Variants in CFP observed in about 807,000 individuals in gnomAD.
The protein encoded by CFP is properdin.
CFP carries 14 observed loss-of-function variants against 42.1 expected under a neutral mutation model. The observed-to-expected ratio is 0.33, with a 90% CI of 0.22 to 0.52. The LOEUF is 0.52. CFP is among the 20% of genes least tolerant of loss of function. The pLI, the probability that CFP is intolerant of heterozygous loss-of-function variation, is 0.96. For synonymous variants in CFP, 149 were observed against 160.6 expected (o/e 0.93, Z 0.54); for missense variants, 318 against 400.4 (o/e 0.79, Z 1.76).
upstream of CFP, chrX:47,629,979 C>T (rs1239345930): frequency 1.5e-5 from 9 of 609,089 alleles, no homozygotes; most frequent in Non-Finnish European, 2.4e-5. Context: ...TTGACCCCAC[C>T]CTGTCCCCTC....
Position 47,627,618 on chromosome X carries a change from C to T in CFP, c.427G>A (p.Gly143Arg), listed in dbSNP as rs1190480861. The T allele has an allele frequency of 2.5e-6, 3 of 1,199,915 alleles. No individual in the cohort carries two copies. Among genetic ancestry groups the T allele is most frequent in the Non-Finnish European group, 3.4e-6 (3 of 888,644 alleles). Residue 143 changes from glycine (G) to arginine (R), a missense_variant, in exon 4 of 9, where the codon GGG becomes AGG. By Grantham distance (125) the Gly-to-Arg change is moderately radical. Coordinates refer to ENST00000396992, the MANE Select transcript of CFP (RefSeq NM_001145252.3). ...GTGACAGAGCAAGGCTCCCAGGGCC[C>T]CCAGCCAGACCAGCCGCCCATCTCT... is the stretch of plus-strand genomic sequence containing the variant. ...CPEMGGWSGW[G>R]PWEPCSVTCS...
Position 47,626,058 on chromosome X carries a change from G to T in CFP, c.1244C>A (p.Pro415Gln), listed in dbSNP as rs771003975. ...RLCTPLLPKYPPTVSMVEGQG... is the reference protein window; with the variant it reads ...RLCTPLLPKYQPTVSMVEGQG... ...AGGCATACTTTGCCCTCTCACTCACGGGTACTTGGGGAGCAAGGGTGTGCA... is the reference window on the plus strand; with the variant it reads ...AGGCATACTTTGCCCTCTCACTCACTGGTACTTGGGGAGCAAGGGTGTGCA... Residue 415 changes from proline to glutamine, a missense_variant and splice_region_variant, in exon 8 of 9, where the codon CCG (proline) becomes CAG (glutamine). Pro to Gln is a moderately conservative substitution (Grantham distance 76). Coordinates refer to ENST00000396992, the MANE Select transcript of CFP (RefSeq NM_001145252.3). 1 of 1,170,677 alleles carries T rather than the reference G, an allele frequency of 8.5e-7. No homozygotes were observed. The highest frequency in any genetic ancestry group is 1.1e-6 in the Non-Finnish European group (1 of 872,825).
At chrX:47,630,014 C>T (rs1457834090), upstream of CFP, 5 of 496,547 alleles carry the variant, frequency 1.0e-5, no homozygotes, top group East Asian at 1.8e-4. Context: ...CTCTCCCCTC[C>T]CCATTTCCTG....
chrX:47,627,448 A>T, intron 4 of CFP, 23 bp downstream of exon 4: 1 of 1,211,267 alleles, frequency 8.3e-7, no homozygotes, highest in South Asian at 1.8e-5. Context: ...ACCCATCAGC[A>T]TCCTGTGGCT....
At chrX:47,624,802 A>C (rs780807177) in intron 8 of CFP, 1 of 153,983 alleles carries the variant, frequency 6.5e-6, no homozygotes, top group East Asian at 1.7e-4. Context: ...CATCTGCAAA[A>C]TGAGAATGGT....
At chrX:47,628,533 C>T (rs1200549254) in intron 2 of CFP, 2 of 490,150 alleles carry the variant, frequency 4.1e-6, no homozygotes, top group Admixed American at 2.7e-5. Flanking sequence ...ACACCAGGTC[C>T]GCAGTAAGCA....
chrX:47,627,238 C>A lies in CFP; in HGVS notation c.669G>T (p.Lys223Asn). The change falls in exon 5 of 9, where the codon AAG (lysine) becomes AAT (asparagine). Residue 223 changes from lysine (K) to asparagine (N), a missense_variant. Coordinates refer to ENST00000396992, the MANE Select transcript of CFP (RefSeq NM_001145252.3). ...TCTGGGAGGGCTCAGGTGCAGAACA[C>A]TTGCGGCTTCGTGTCTCCTTAGGTT... ...PHEPKETRSRKCSAPEPSQKP... is the reference protein window; with the variant it reads ...PHEPKETRSRNCSAPEPSQKP... 1 of 1,211,344 alleles carries A rather than the reference C, an allele frequency of 8.3e-7. No homozygotes were observed. Among genetic ancestry groups the A allele is most frequent in the South Asian group, 1.8e-5 (1 of 56,809 alleles).
Position 47,624,010 on chromosome X carries a change from T to G in CFP, c.*265A>C. ...GCTGCGCAGGGCCCAGACATTGGGG[T>G]TATGGCAGCGGCGGGGAGAGGCTGG... On this transcript the variant is annotated 3_prime_UTR_variant, in exon 9 of 9. Coordinates refer to ENST00000396992, the MANE Select transcript of CFP (RefSeq NM_001145252.3). 1 of 379,884 alleles carries G rather than the reference T, an allele frequency of 2.6e-6. No homozygotes were observed. The highest frequency in any genetic ancestry group is 4.7e-6 in the Non-Finnish European group (1 of 214,647). The allele number at this position is 379,884 out of a possible 1,213,427, so 31.3% of individuals were successfully genotyped here. A position where few individuals can be genotyped will look rare whatever the true frequency, so the allele number is the denominator to read the frequency against.
rs1398317229 is a variant in CFP at position 47,623,958 on chromosome X, G to T, written c.*317C>A. 1 of 294,072 alleles carries T rather than the reference G, an allele frequency of 3.4e-6. No individual in the cohort carries two copies. Among genetic ancestry groups the T allele is most frequent in the East Asian group, 7.0e-5 (1 of 14,193 alleles). The allele number at this position is 294,072 out of a possible 1,213,427, so 24.2% of individuals were successfully genotyped here. ...AACGCGGAGCTCTGCAGAGGAACGT[G>T]CCGGGCGGCCCTGAGGCTCTAAGGG... On this transcript the variant is annotated 3_prime_UTR_variant, in exon 9 of 9. Coordinates refer to ENST00000396992, the MANE Select transcript of CFP (RefSeq NM_001145252.3).
chrX:47,625,813 A>T, intron 8 of CFP: 1 of 430,150 alleles, frequency 2.3e-6, no homozygotes, highest in East Asian at 4.0e-5. Flanking sequence ...AGTCAATGAC[A>T]CATGAAGGAC....
In CFP at chrX:47,627,144, G is replaced by C; in HGVS notation, c.763C>G (p.Pro255Ala). 8.3e-7 allele frequency: 1 copy of C among 1,211,412 alleles called. No homozygotes were observed. Among genetic ancestry groups the C allele is most frequent in the Non-Finnish European group, 1.1e-6 (1 of 895,173 alleles). ...QRRCTGLPPCPVAGGWGPWGP... is the reference protein window; with the variant it reads ...QRRCTGLPPCAVAGGWGPWGP... ...CAGCAGCCTCATCCTGGTGTACCTGGGCAGGGTGGCAGGCCGGTGCACCTC... is the reference window on the plus strand; with the variant it reads ...CAGCAGCCTCATCCTGGTGTACCTGCGCAGGGTGGCAGGCCGGTGCACCTC... The change falls in exon 5 of 9, where the codon CCA (proline) becomes GCA (alanine). Residue 255 changes from proline (P) to alanine (A), a missense_variant. Pro to Ala is a conservative substitution (Grantham distance 27). Coordinates refer to ENST00000396992, the MANE Select transcript of CFP (RefSeq NM_001145252.3).
rs1324319894 is a variant in CFP at position 47,629,530 on chromosome X, G to A, written c.221C>T (p.Pro74Leu). The change falls in exon 2 of 9, where the codon CCT becomes CTT. Residue 74 changes from proline (P) to leucine (L), a missense_variant. By Grantham distance (98) the Pro-to-Leu change is moderately conservative. Transcript: ENST00000396992. ...ACCCCAGGCTCCCCCTAACCTGCAAGGCTGACAGAGCCCACCACTACGTTT... is the reference window on the plus strand; with the variant it reads ...ACCCCAGGCTCCCCCTAACCTGCAAAGCTGACAGAGCCCACCACTACGTTT... ...YQKRSGGLCQ[P>L]CRSPRWSLWS... 1 of 893,642 alleles carries A rather than the reference G, an allele frequency of 1.1e-6. No homozygotes were observed. The highest frequency in any genetic ancestry group is 1.5e-6 in the Non-Finnish European group (1 of 665,396). 73.6% of individuals were successfully genotyped at this position (893,642 alleles called of 1,213,427 possible). A position where few individuals can be genotyped will look rare whatever the true frequency, so the allele number is the denominator to read the frequency against.
Position 47,629,750 on chromosome X carries a change from T to G in CFP, c.76+19A>C. The G allele has an allele frequency of 8.6e-7, 1 of 1,165,878 alleles. No homozygotes were observed. Among genetic ancestry groups the G allele is most frequent in the Non-Finnish European group, 1.1e-6 (1 of 872,684 alleles). On this transcript the variant is annotated intron_variant, in intron 1 of 8. Coordinates refer to ENST00000396992, the MANE Select transcript of CFP (RefSeq NM_001145252.3). The stretch of plus-strand genomic sequence containing the variant: ...GGGCCTGGACACCCCTGGGGCCAGC[T>G]GGGCCCTCACCCCCTCACCTGTGGC...
Position 47,629,863 on chromosome X carries a change from C to A in CFP, c.-19G>T. ...TGATCATGTTGAGTACTGCCCCCTG[C>A]ACCTCTACCAGAGAGGAGGTCCCGC... On this transcript the variant is annotated 5_prime_UTR_variant, in exon 1 of 9. Transcript: ENST00000396992. 8.6e-7 allele frequency: 1 copy of A among 1,163,445 alleles called. No individual in the cohort carries two copies. Among genetic ancestry groups the A allele is most frequent in the African/African-American group, 1.8e-5 (1 of 56,036 alleles).
At chrX:47,624,958 T>A (rs2057963038) in intron 8 of CFP, 1 of 112,491 alleles carries the variant, frequency 8.9e-6, no homozygotes, top group African/African-American at 3.3e-5. Flanking sequence ...AGCTACTTTC[T>A]TTTACCTCCG....
At position 47,629,541 on chromosome X, in the gene CFP, C is replaced by T. The variant is rs1243622202; in HGVS notation, c.210G>A (p.Gly70=). ...CCCCTAACCTGCAAGGCTGACAGAG[C>T]CCACCACTACGTTTCTGGTAGGCAA... ...TAFAYQKRSG[G]LCQPCRSPRW... is the part of the protein sequence containing the mutation. The change falls in exon 2 of 9, where the codon GGG becomes GGA. Residue 70 remains glycine, a synonymous_variant. Transcript: ENST00000396992. 2 of 1,163,104 alleles carry T rather than the reference C, an allele frequency of 1.7e-6. No individual in the cohort carries two copies. The highest frequency in any genetic ancestry group is 5.1e-5 in the Admixed American group (2 of 38,908).
chrX:47,628,306 C>A (rs1019245701), intron 2 of CFP, 29 bp from the exon 3 acceptor site: 6 of 1,181,347 alleles, frequency 5.1e-6, no homozygotes, highest in Non-Finnish European at 5.7e-6. Context: ...ACATCCCATC[C>A]TGGCATGAGC....
rs767157838 is a variant in CFP at position 47,629,616 on chromosome X, G to A, written c.135C>T (p.Gly45=). The A allele has an allele frequency of 2.8e-5, 33 of 1,163,487 alleles. No individual in the cohort carries two copies. The highest frequency in any genetic ancestry group is 1.3e-4 in the Admixed American group (5 of 38,525). The change falls in exon 2 of 9, where the codon GGC becomes GGT. Residue 45 remains glycine, a synonymous_variant. Transcript: ENST00000396992. ...CCACGCTGACACCACCCCCCAGGAGGCCCTTGCACTTGCCGGAGGATTCTT... is the reference window on the plus strand; with the variant it reads ...CCACGCTGACACCACCCCCCAGGAGACCCTTGCACTTGCCGGAGGATTCTT... ...QYEESSGKCK[G]LLGGGVSVED... is the part of the protein sequence containing the mutation.
chrX:47,624,409 C>T lies in CFP; in HGVS notation c.1276G>A (p.Glu426Lys), dbSNP rs1356549018. The T allele has an allele frequency of 1.7e-6, 2 of 1,210,610 alleles. No homozygotes were observed. The highest frequency in any genetic ancestry group is 2.2e-6 in the Non-Finnish European group (2 of 894,983). Residue 426 changes from glutamate (E) to lysine (K), a missense_variant, in exon 9 of 9, where the codon GAG becomes AAG. Coordinates refer to ENST00000396992, the MANE Select transcript of CFP (RefSeq NM_001145252.3). The part of the protein sequence containing the change: ...PTVSMVEGQG[E>K]KNVTFWGRPL... ...CTCCCCCAGAAGGTCACGTTCTTCT[C>T]GCCCTGACCTTCGACCATGGAAACG...
Sources: allele counts gnomAD v4.1 joint callset, GRCh38; gene constraint gnomAD v4.1.1; transcripts MANE v1.5; gene names NCBI Gene and HGNC (gene_info 2026-07-23, HGNC 2026-07-21).